ELFN2: variants seen among roughly 807,000 people sequenced by gnomAD.
ELFN2 encodes extracellular leucine rich repeat and fibronectin type III domain containing 2, also known as protein phosphatase 1 regulatory subunit 29.
ELFN2 carries 17 observed loss-of-function variants against 45.5 expected under a neutral mutation model. The ratio of observed to expected loss-of-function variants is 0.37; its 90% CI spans 0.26 to 0.56. ELFN2 has a LOEUF of 0.56. Among genes scored for constraint, ELFN2 ranks in the 20% least tolerant of loss-of-function variants. ELFN2 has a pLI of 0.77. For synonymous variants in ELFN2, 550 were observed against 551.5 expected (o/e 1.00, Z 0.04); for missense variants, 922 against 1,183.2 (o/e 0.78, Z 3.24).
chr22:37,355,892 C>T (rs1216893749), intron 1 of ELFN2, among the ~76,000 whole-genome samples: 6 of 152,198 alleles, frequency 3.9e-5, no homozygotes, highest in Admixed American at 6.5e-5. Flanking sequence ...CCCAAATTGA[C>T]GTGAGAGTGT....
intron 1 of ELFN2, among the ~76,000 whole-genome samples, chr22:37,349,201 G>T (rs749037476): frequency 2.0e-5 from 3 of 151,186 alleles, no homozygotes; most frequent in Admixed American, 2.0e-4. Context: ...TCCCAGCCCC[G>T]CCACTTAGCT....
intron 1 of ELFN2, among the ~76,000 whole-genome samples, chr22:37,347,472 G>T (rs1930725293): frequency 6.6e-6 from 1 of 152,182 alleles, no homozygotes. Context: ...TCTGGCCGTG[G>T]AAGCACCTCT....
At chr22:37,366,132 G>A (rs780119802), downstream of ELFN2, among the ~76,000 whole-genome samples, 56 of 152,196 alleles carry the variant, frequency 3.7e-4, no homozygotes, top group Admixed American at 2.0e-3. Context: ...CTTATGAAGC[G>A]GGGAGTAGCT....
At chr22:37,415,683 C>A (rs1425969241) in intron 2 of ELFN2, among the ~76,000 whole-genome samples, 4 of 152,200 alleles carry the variant, frequency 2.6e-5, no homozygotes, top group Non-Finnish European at 5.9e-5. Context: ...TGATGGTGGG[C>A]CAGGCGCGGT....
intron 2 of ELFN2, among the ~76,000 whole-genome samples, chr22:37,395,027 C>T (rs1569138368): frequency 6.6e-6 from 1 of 151,988 alleles, no homozygotes; most frequent in Non-Finnish European, 1.5e-5. Flanking sequence ...ATCACTTGAA[C>T]CCAGGAGGCA....
intron 1 of ELFN2, among the ~76,000 whole-genome samples, chr22:37,360,478 T>G (rs1162683677): frequency 2.0e-5 from 3 of 152,208 alleles, no homozygotes; most frequent in African/African-American, 7.2e-5. Context: ...GTGAGCACAG[T>G]GCGGACACAC....
At position 37,373,640 on chromosome 22, in the gene ELFN2, G is replaced by A. The variant is rs1421069643; in HGVS notation, c.1895C>T (p.Ser632Leu). The change falls in exon 3 of 3, where the codon TCG becomes TTG. Residue 632 changes from serine (S) to leucine (L), a missense_variant. By Grantham distance (145) the Ser-to-Leu change is moderately radical (BLOSUM62 -2). Coordinates refer to ENST00000402918, the MANE Select transcript of ELFN2 (RefSeq NM_052906.5). Reference protein sequence around the residue: ...AAVTRKTCSVSSSGSIKSAKV... With the variant: ...AAVTRKTCSVLSSGSIKSAKV... ...GGCGCTCTTGATGGAACCACTGGAC[G>A]ACACGCTGCAGGTCTTGCGGGTCAC... is the stretch of plus-strand genomic sequence containing the variant. 8 of 1,595,258 alleles carry A rather than the reference G, an allele frequency of 5.0e-6. No homozygotes were observed. Among genetic ancestry groups the A allele is most frequent in the East Asian group, 4.5e-5 (2 of 44,622 alleles).
chr22:37,384,936 A>C (rs1931905744), intron 2 of ELFN2: 1 of 151,940 alleles, frequency 6.6e-6, no homozygotes, highest in African/African-American at 2.4e-5. Context: ...CATTCAATAA[A>C]CATTTATGGA....
Position 37,417,417 on chromosome 22 carries a change from G to A in ELFN2, c.-463+352C>T, listed in dbSNP as rs568471829. Among the ~76,000 whole-genome samples, 1 of 152,322 alleles carries A rather than the reference G, an allele frequency of 6.6e-6. No individual in the cohort carries two copies. Among genetic ancestry groups the A allele is most frequent in the South Asian group, 2.1e-4 (1 of 4,826 alleles). ...AGCTGGCTCTCCACCCCCAGCAGGT[G>A]CACAGATGCCCCCTGACCTGCTGGA... On this transcript the variant is annotated intron_variant, in intron 2 of 2. Coordinates refer to ENST00000402918, the MANE Select transcript of ELFN2 (RefSeq NM_052906.5). The surrounding 1 kb of genome is among the most constrained non-coding windows in gnomAD (Gnocchi z 4.5).
At chr22:37,343,275 C>G (rs1017855419) in intron 1 of ELFN2, among the ~76,000 whole-genome samples, 11 of 152,106 alleles carry the variant, frequency 7.2e-5, no homozygotes, top group African/African-American at 2.7e-4. Context: ...GGTCTGTGTC[C>G]CAGGTCCGCT....
chr22:37,365,338 C>T (rs1274059777), downstream of ELFN2, among the ~76,000 whole-genome samples: 1 of 152,106 alleles, frequency 6.6e-6, no homozygotes, highest in Non-Finnish European at 1.5e-5. Context: ...AAAGGAAGTT[C>T]CTGGCCCAGT....
rs1454392860 is a variant in ELFN2, at chr22:37,369,258, G to T, written c.*3814C>A. 1 of 152,204 alleles carries T rather than the reference G, an allele frequency of 6.6e-6. No individual in the cohort carries two copies. Among genetic ancestry groups the T allele is most frequent in the African/African-American group, 2.4e-5 (1 of 41,412 alleles). 9.4% of individuals were successfully genotyped at this position (152,204 alleles called of 1,614,324 possible). ...GACCAACTTCCAGTTGAGAACATGG[G>T]TGACTCTCGGCCAGCCTGATACTCC... On this transcript the variant is annotated 3_prime_UTR_variant, in exon 3 of 3. Transcript: ENST00000402918.
chr22:37,370,090 G>A lies in ELFN2; in HGVS notation c.*2982C>T, dbSNP rs1048483510. On this transcript the variant is annotated 3_prime_UTR_variant, in exon 3 of 3. Transcript: ENST00000402918. The stretch of plus-strand genomic sequence containing the variant: ...CCTGGCTGGGAGGCCAGAGACCCGA[G>A]TCTTAGACCCCGCTCTGCCTCACAA... 6.6e-6 allele frequency: 1 copy of A among 152,186 alleles called. No individual in the cohort carries two copies. The highest frequency in any genetic ancestry group is 2.4e-5 in the African/African-American group (1 of 41,438). The allele number at this position is 152,186 out of a possible 1,614,324, so 9.4% of individuals were successfully genotyped here.
chr22:37,391,456 G>A (rs1048942172), intron 2 of ELFN2, among the ~76,000 whole-genome samples: 2 of 152,108 alleles, frequency 1.3e-5, no homozygotes, highest in African/African-American at 2.4e-5. Context: ...GGAGCACACC[G>A]CGCCGGCACC....
chr22:37,348,251 G>T (rs1177189589), intron 1 of ELFN2, among the ~76,000 whole-genome samples: 1 of 152,204 alleles, frequency 6.6e-6, no homozygotes, highest in Non-Finnish European at 1.5e-5. Flanking sequence ...CCATCTTCTT[G>T]GGGGAGGACA....
At chr22:37,357,725 C>G (rs1930984774) in intron 1 of ELFN2, among the ~76,000 whole-genome samples, 1 of 152,180 alleles carries the variant, frequency 6.6e-6, no homozygotes, top group African/African-American at 2.4e-5. Context: ...CTAGAACCCC[C>G]TAGAGTGCTA....
chr22:37,374,049 C>A lies in ELFN2; in HGVS notation c.1486G>T (p.Val496Leu), dbSNP rs1931478845. The A allele has an allele frequency of 6.2e-7, 1 of 1,613,198 alleles. No individual in the cohort carries two copies. The change falls in exon 3 of 3, where the codon GTA becomes TTA. Residue 496 changes from valine to leucine, a missense_variant. Val to Leu is a conservative substitution (Grantham distance 32). Transcript: ENST00000402918. ...GLEAGLDTPK[V>L]ATKGNYIEVR... is the part of the protein sequence containing the mutation. ...TCGATATAGTTGCCTTTGGTGGCTA[C>A]CTTGGGTGTGTCCAGCCCGGCCTCC... is the stretch of plus-strand genomic sequence containing the variant.
chr22:37,343,903 C>A (rs974393613), intron 1 of ELFN2, among the ~76,000 whole-genome samples: 2 of 152,068 alleles, frequency 1.3e-5, no homozygotes, highest in Non-Finnish European at 2.9e-5. Context: ...CCCCTCACAC[C>A]CCCCTGGATC....
At chr22:37,406,182 G>C (rs556279011) in intron 2 of ELFN2, among the ~76,000 whole-genome samples, 22 of 152,166 alleles carry the variant, frequency 1.4e-4, no homozygotes, top group Admixed American at 1.2e-3. Flanking sequence ...TAAAAAACAA[G>C]GGTCCCCTAT....
Sources: gnomAD v4.1 joint callset for allele counts (sites outside exome capture counted in the v4.1 genomes callset) on GRCh38, gnomAD v4.1.1 for gene constraint, Gnocchi (gnomAD v3.1) non-coding constraint, MANE v1.5 for transcripts, NCBI Gene and HGNC (gene_info 2026-07-23, HGNC 2026-07-21) for gene names.